Variants in PSD3 observed in about 807,000 individuals in gnomAD.
PSD3 encodes the protein PH and SEC7 domain-containing protein 3.
A neutral mutation model predicts 105.5 loss-of-function variants in PSD3; 49 were observed. The observed-to-expected ratio is 0.46, with a 90% CI of 0.37 to 0.59. The LOEUF is 0.59. Ranked by LOEUF, PSD3 falls within the 20% of genes least tolerant of loss-of-function variation. The pLI is 0.00. For synonymous variants in PSD3, 557 were observed against 457.8 expected (o/e 1.22, Z -2.77); for missense variants, 1,561 against 1,263.8 (o/e 1.24, Z -3.57).
At chr8:18,646,423 T>A (rs1316196443) in intron 10 of PSD3, among the ~76,000 whole-genome samples, 3 of 152,124 alleles carry the variant, frequency 2.0e-5, no homozygotes, top group Admixed American at 6.6e-5. Context: ...GTTGCCTTTT[T>A]GAAAGAAAAC....
intron 2 of PSD3, among the ~76,000 whole-genome samples, chr8:18,884,561 C>CTA (rs1166055763): frequency 2.6e-5 from 4 of 152,076 alleles, no homozygotes; most frequent in African/African-American, 7.2e-5. Context: ...AGGATGCTGG[C>CTA]TATTGCCTGG....
intron 9 of PSD3, among the ~76,000 whole-genome samples, chr8:18,742,709 C>A (rs1046093506): frequency 1.2e-4 from 18 of 152,142 alleles, no homozygotes; most frequent in African/African-American, 4.3e-4. Context: ...GTGCCCAACT[C>A]CAGGTTTTAA....
rs146563283 is a variant in PSD3 at position 18,778,296 on chromosome 8, T to C, written c.2083-12758A>G. ...CATTATTAGAGAATAGACACACTGC[T>C]GAGTTGTGTACACTGATTTTTTACC... is the stretch of plus-strand genomic sequence containing the variant. On this transcript the variant is annotated intron_variant, in intron 8 of 15. Coordinates refer to ENST00000327040, the MANE Select transcript of PSD3 (RefSeq NM_015310.4). Among the ~76,000 whole-genome samples, 930 of 152,306 alleles carry C rather than the reference T, an allele frequency of 6.1e-3. 25 individuals carry two copies. Among genetic ancestry groups the C allele is most frequent in the Admixed American group, 0.021 (322 of 15,298 alleles).
exon 1 of PSD3, chr8:19,084,630 T>A (rs900485592): frequency 2.9e-6 from 1 of 348,520 alleles, no homozygotes; most frequent in South Asian, 2.1e-5. Flanking sequence ...GGATCTGCAA[T>A]CACCACCCCT....
At chr8:18,612,181 G>T (rs1483606147) in intron 11 of PSD3, among the ~76,000 whole-genome samples, 1 of 152,104 alleles carries the variant, frequency 6.6e-6, no homozygotes, top group African/African-American at 2.4e-5. Context: ...CCATATATAA[G>T]CAAGACCTTA....
Position 19,037,548 on chromosome 8 carries a change from A to G in PSD3, c.324+46658T>C, listed in dbSNP as rs143854264. The stretch of plus-strand genomic sequence containing the variant: ...GAGGGTGTTTCCAGAAGAGATTCAT[A>G]TTCAAATTGGTAGACTGAGTACAGA... On this transcript the variant is annotated intron_variant, in intron 1 of 1. Coordinates refer to the PSD3 transcript ENST00000521475. Among the ~76,000 whole-genome samples, 397 of 152,366 alleles carry G rather than the reference A, an allele frequency of 2.6e-3. 2 individuals carry two copies. The highest frequency in any genetic ancestry group is 8.1e-3 in the African/African-American group (335 of 41,590).
rs1365491950 is a variant in PSD3, at chr8:18,847,743, T to TCCCA, written c.1634+19927_1634+19930dup. On this transcript the variant is annotated intron_variant, in intron 4 of 15. Transcript: ENST00000327040. ...GGGGCCAGAGCCAAAGTCTCCTGAC[T>TCCCA]CCCAGCACAATGCTTTTCTGGTGAC... 3.3e-5 allele frequency among the ~76,000 whole-genome samples: 5 copies of TCCCA among 152,276 alleles called. No individual in the cohort carries two copies. The East Asian group carries it at 5.8e-4, about 18-fold the overall frequency.
intron 4 of PSD3, among the ~76,000 whole-genome samples, chr8:18,823,709 T>C (rs1027029835): frequency 5.3e-5 from 8 of 151,784 alleles, no homozygotes; most frequent in Non-Finnish European, 1.2e-4. Flanking sequence ...TTGCCTAAGT[T>C]TTTGGGAAAA....
At chr8:18,925,756 C>T (rs151008270) in intron 2 of PSD3, among the ~76,000 whole-genome samples, 9 of 152,190 alleles carry the variant, frequency 5.9e-5, no homozygotes, top group South Asian at 2.1e-4. Flanking sequence ...CTACTGTTAA[C>T]GAGGAAGATG....
intron 14 of PSD3, among the ~76,000 whole-genome samples, chr8:18,566,534 A>G (rs1801769509): frequency 6.6e-6 from 1 of 151,702 alleles, no homozygotes; most frequent in Non-Finnish European, 1.5e-5. Flanking sequence ...TCAAAAAAAA[A>G]AAAAAAAAAA....
At chr8:19,027,847 G>A (rs1307098442) in intron 1 of PSD3, among the ~76,000 whole-genome samples, 3 of 152,136 alleles carry the variant, frequency 2.0e-5, no homozygotes, top group Non-Finnish European at 4.4e-5. Flanking sequence ...ACCAGTTGAT[G>A]GACATTTGAG....
At chr8:18,788,971 G>A (rs1809447295) in intron 8 of PSD3, among the ~76,000 whole-genome samples, 1 of 152,202 alleles carries the variant, frequency 6.6e-6, no homozygotes, top group Non-Finnish European at 1.5e-5. Context: ...CAGGACTACA[G>A]TGGATATTCA....
intron 9 of PSD3, among the ~76,000 whole-genome samples, chr8:18,673,201 T>A (rs62495773): frequency 6.7e-6 from 1 of 148,298 alleles, no homozygotes; most frequent in Non-Finnish European, 1.5e-5. Flanking sequence ...CACACACCCA[T>A]CCACACACAC....
intron 9 of PSD3, among the ~76,000 whole-genome samples, chr8:18,694,474 G>T (rs1454760903): frequency 6.6e-6 from 1 of 152,084 alleles, no homozygotes; most frequent in Admixed American, 6.6e-5. Context: ...GCCGGGCGTG[G>T]TGCTGGGCAC....
chr8:19,006,063 G>A (rs1335583772), intron 1 of PSD3, among the ~76,000 whole-genome samples: 1 of 151,702 alleles, frequency 6.6e-6, no homozygotes, highest in Non-Finnish European at 1.5e-5. Context: ...GGGAGGCCGA[G>A]GCAGGCGAAT....
chr8:18,593,440 G>C (rs1424073472), intron 12 of PSD3, among the ~76,000 whole-genome samples: 1 of 152,134 alleles, frequency 6.6e-6, no homozygotes, highest in Non-Finnish European at 1.5e-5. Context: ...TCTCACACCA[G>C]TTAGAACGGC....
intron 4 of PSD3, among the ~76,000 whole-genome samples, chr8:18,824,115 A>G (rs565526566): frequency 6.6e-6 from 1 of 152,286 alleles, no homozygotes; most frequent in South Asian, 2.1e-4. Context: ...TGAGGCTACA[A>G]TCAGGTATGA....
chr8:18,614,350 A>T (rs13273158), intron 11 of PSD3, among the ~76,000 whole-genome samples: 2 of 133,770 alleles, frequency 1.5e-5, no homozygotes, highest in African/African-American at 5.7e-5. Context: ...TCCCCCCCCC[A>T]AAAAAATCAG....
chr8:19,003,254 C>T (rs1219732227), intron 1 of PSD3, among the ~76,000 whole-genome samples: 1 of 151,924 alleles, frequency 6.6e-6, no homozygotes, highest in African/African-American at 2.4e-5. Context: ...CCCTGTAGTT[C>T]CAGCTATTTG....
Sources: allele counts gnomAD v4.1 joint callset (sites outside exome capture counted in the v4.1 genomes callset), GRCh38; gene constraint gnomAD v4.1.1; transcripts MANE v1.5; gene names NCBI Gene and HGNC (gene_info 2026-07-23, HGNC 2026-07-21).